The following HYDIN variants were observed in gnomAD, a reference collection of about 807,000 sequenced individuals.
The protein encoded by HYDIN is axonemal central pair apparatus protein HYDIN.
Under a neutral mutation model 403.9 loss-of-function variants are expected in HYDIN, and 132 were observed. The observed-to-expected ratio is 0.33, with a 90% CI of 0.28 to 0.38. HYDIN has a LOEUF of 0.38. Ranked by LOEUF, HYDIN falls within the 10% of genes least tolerant of loss-of-function variation. The pLI is 1.00. For synonymous variants in HYDIN, 1,202 were observed against 1,891.7 expected (o/e 0.64, Z 9.46); for missense variants, 2,827 against 5,009.5 (o/e 0.56, Z 13.15).
intron 62 of HYDIN, among the ~76,000 whole-genome samples, chr16:70,875,357 T>C (rs572664706): frequency 3.3e-5 from 5 of 152,126 alleles, no homozygotes. Context: ...AGTTGCCTGA[T>C]AGTGTCATGT....
intron 78 of HYDIN, among the ~76,000 whole-genome samples, chr16:70,834,865 C>CAT (rs145510606): frequency 0.31 from 44,054 of 142,748 alleles, 8,728 homozygotes; most frequent in Non-Finnish European, 0.44. Context: ...ACCAAACAAA[C>CAT]ATATATATAT....
chr16:71,196,437 T>C (rs2087701146), intron 1 of HYDIN, among the ~76,000 whole-genome samples: 1 of 152,176 alleles, frequency 6.6e-6, no homozygotes, highest in South Asian at 2.1e-4. Flanking sequence ...TCTCTTGCCC[T>C]CAGTGCTCAT....
chr16:71,111,477 C>G (rs1597802394), intron 10 of HYDIN, among the ~76,000 whole-genome samples: 1 of 152,118 alleles, frequency 6.6e-6, no homozygotes, highest in East Asian at 1.9e-4. Context: ...GTCTCAACTG[C>G]AAAGGGAAAC....
At position 71,213,368 on chromosome 16, in the gene HYDIN, C is replaced by T. The variant is rs377484938; in HGVS notation, c.-24+17194G>A. ...AAAATAGGCTTTAAATAGATTTTAACGTAAACAATATCAACATTTAAGTCA... is the reference window on the plus strand; with the variant it reads ...AAAATAGGCTTTAAATAGATTTTAATGTAAACAATATCAACATTTAAGTCA... On this transcript the variant is annotated intron_variant, in intron 1 of 85. Coordinates refer to ENST00000393567, the MANE Select transcript of HYDIN (RefSeq NM_001270974.2). 1.4e-3 allele frequency among the ~76,000 whole-genome samples: 219 copies of T among 152,122 alleles called. 1 individual carries two copies. The highest frequency in any genetic ancestry group is 5.0e-3 in the African/African-American group (208 of 41,516).
chr16:71,198,564 G>A (rs578247283), intron 1 of HYDIN, among the ~76,000 whole-genome samples: 28 of 152,220 alleles, frequency 1.8e-4, no homozygotes, highest in East Asian at 1.4e-3. Context: ...CTAGCCCCCC[G>A]CCAGAACAGG....
chr16:70,937,871 A>G (rs1048666827), intron 44 of HYDIN, among the ~76,000 whole-genome samples: 1 of 151,316 alleles, frequency 6.6e-6, no homozygotes, highest in Non-Finnish European at 1.5e-5. Context: ...CATCCCTGCA[A>G]TCTTTGAAGA....
chr16:71,085,691 T>C (rs954207090), intron 12 of HYDIN, among the ~76,000 whole-genome samples: 44 of 152,224 alleles, frequency 2.9e-4, no homozygotes, highest in Non-Finnish European at 5.4e-4. Flanking sequence ...CTCACTATCT[T>C]ATCATTGTAA....
In HYDIN at chr16:70,891,364, T is replaced by C. The variant is rs886534640; in HGVS notation, c.9656+282A>G. ...CCACCACACTTGGCTAATTTTTGTA[T>C]TGTTAGTAGAGATGGGGTTTCACCA... On this transcript the variant is annotated intron_variant, in intron 57 of 85. Transcript: ENST00000393567. 1.9e-4 allele frequency among the ~76,000 whole-genome samples: 29 copies of C among 152,218 alleles called. 1 individual carries two copies. The highest frequency in any genetic ancestry group is 6.0e-4 in the African/African-American group (25 of 41,544).
intron 1 of HYDIN, among the ~76,000 whole-genome samples, chr16:71,205,739 C>T (rs896307984): frequency 2.0e-5 from 3 of 152,234 alleles, no homozygotes; most frequent in Non-Finnish European, 2.9e-5. Context: ...GCCTCCAGCT[C>T]AGTGGTTTCA....
chr16:71,165,490 G>A (rs540759894), intron 5 of HYDIN, among the ~76,000 whole-genome samples: 5 of 149,618 alleles, frequency 3.3e-5, no homozygotes, highest in South Asian at 2.2e-4. Context: ...CTAGTATATC[G>A]TATATTCTAC....
chr16:70,807,848 C>G lies in HYDIN; in HGVS notation c.15098G>C (p.Arg5033Pro). The change falls in exon 86 of 86, where the codon CGA (arginine) becomes CCA (proline). Residue 5033 changes from arginine to proline, a missense_variant. Arg to Pro is a moderately radical substitution (Grantham distance 103). Transcript: ENST00000393567. ...GGGGATGATTATGCTGTACCCGGCT[C>G]GGATCGAGAAGGGACCTTGGGGCTT... ...PPKPQGPFSI[R>P]AGYSIIIPFK... The G allele has an allele frequency of 6.2e-7, 1 of 1,614,130 alleles. No homozygotes were observed. The highest frequency in any genetic ancestry group is 2.2e-5 in the East Asian group (1 of 44,868).
At chr16:71,066,183 G>A (rs2082258390) in intron 15 of HYDIN, among the ~76,000 whole-genome samples, 1 of 151,456 alleles carries the variant, frequency 6.6e-6, no homozygotes, top group African/African-American at 2.4e-5. Context: ...ATCTGAATAA[G>A]CCTGCATAGA....
Position 70,807,739 on chromosome 16 carries a change from C to T in HYDIN, c.15207G>A (p.Val5069=). The change falls in exon 86 of 86, where the codon GTG becomes GTA. Residue 5069 remains valine, a synonymous_variant. Transcript: ENST00000393567. The part of the protein sequence containing the change: ...PAFTIRAGES[V]RPKKINNITV... The stretch of plus-strand genomic sequence containing the variant: ...TGATGTTGTTGATCTTCTTGGGCCG[C>T]ACAGACTCTCCAGCGCGAATGGTGA... 1 of 1,614,130 alleles carries T rather than the reference C, an allele frequency of 6.2e-7. No homozygotes were observed.
intron 45 of HYDIN, among the ~76,000 whole-genome samples, chr16:70,929,304 A>AAAC (rs1175030204): frequency 1.6e-4 from 23 of 140,792 alleles, no homozygotes; most frequent in Middle Eastern, 3.5e-3. Context: ...AAACAAAACA[A>AAAC]AACAACAACA....
At chr16:70,902,051 T>C (rs1343987351) in intron 52 of HYDIN, among the ~76,000 whole-genome samples, 2 of 151,648 alleles carry the variant, frequency 1.3e-5, no homozygotes, top group African/African-American at 4.8e-5. Flanking sequence ...CAAACCTGCA[T>C]TGTTCAAAGG....
chr16:71,214,245 A>C (rs996129929), intron 1 of HYDIN, among the ~76,000 whole-genome samples: 9 of 152,158 alleles, frequency 5.9e-5, no homozygotes, highest in African/African-American at 2.2e-4. Flanking sequence ...TGACCTAAGT[A>C]ATAAAGAGAT....
At chr16:71,201,830 C>G (rs2088031139) in intron 1 of HYDIN, among the ~76,000 whole-genome samples, 1 of 152,232 alleles carries the variant, frequency 6.6e-6, no homozygotes, top group African/African-American at 2.4e-5. Context: ...ACACAAGTGT[C>G]ATCTGAGCTG....
intron 25 of HYDIN, among the ~76,000 whole-genome samples, chr16:70,990,965 A>G (rs2079332309): frequency 6.6e-6 from 1 of 152,256 alleles, no homozygotes; most frequent in Non-Finnish European, 1.5e-5. Flanking sequence ...ATGTTGTAAC[A>G]AGCATCTTTG....
intron 47 of HYDIN, among the ~76,000 whole-genome samples, chr16:70,916,006 G>A (rs1334750087): frequency 6.6e-6 from 1 of 152,370 alleles, no homozygotes; most frequent in East Asian, 1.9e-4. Context: ...CCCACCAACA[G>A]CATTGAGTCT....
Sources: allele counts gnomAD v4.1 joint callset (sites outside exome capture counted in the v4.1 genomes callset), GRCh38; gene constraint gnomAD v4.1.1; transcripts MANE v1.5; gene names NCBI Gene and HGNC (gene_info 2026-07-23, HGNC 2026-07-21).